DLGAP1: variants seen among roughly 807,000 people sequenced by gnomAD.
The protein encoded by DLGAP1 is DLG associated protein 1, also known as disks large-associated protein 1.
In DLGAP1, 11 loss-of-function variants were observed where a neutral mutation model predicts 90.8. The ratio of observed to expected loss-of-function variants is 0.12; its 90% CI spans 0.08 to 0.20. DLGAP1 has a LOEUF of 0.20. Ranked by LOEUF, DLGAP1 falls within the 10% of genes least tolerant of loss-of-function variation. The probability of loss-of-function intolerance (pLI) is 1.00; values close to 1 mark genes in which losing one functional copy is unlikely to be tolerated. For synonymous variants in DLGAP1, 558 were observed against 540.7 expected, an observed-to-expected ratio of 1.03 and a Z score of -0.44; for missense variants, 1,050 against 1,333.8, an observed-to-expected ratio of 0.79 and a Z score of 3.31.
chr18:3,912,862 G>C (rs998810614), intron 3 of DLGAP1, among the ~76,000 whole-genome samples: 12 of 152,170 alleles, frequency 7.9e-5, no homozygotes, highest in African/African-American at 2.7e-4. Context: ...AAGTCCTTTG[G>C]TGACTGTGTA....
At chr18:3,927,437 AGAAT>A (rs1185278451) in intron 3 of DLGAP1, among the ~76,000 whole-genome samples, 6 of 152,270 alleles carry the variant, frequency 3.9e-5, no homozygotes, top group Non-Finnish European at 8.8e-5. Flanking sequence ...ACTTGTTAAA[AGAAT>A]GAATAATATA....
chr18:3,974,818 A>C (rs1303278834), intron 3 of DLGAP1, among the ~76,000 whole-genome samples: 2 of 152,202 alleles, frequency 1.3e-5, no homozygotes, highest in Non-Finnish European at 2.9e-5. Context: ...AGCAATACAT[A>C]GCATGGAATA....
intron 10 of DLGAP1, 129 bp downstream of exon 10, chr18:3,534,065 T>C: frequency 9.7e-7 from 1 of 1,026,142 alleles, no homozygotes; most frequent in Non-Finnish European, 1.4e-6. Flanking sequence ...CTCCTGCATG[T>C]TCTGGTTTGG....
chr18:3,982,885 T>C (rs898308263), intron 3 of DLGAP1, among the ~76,000 whole-genome samples: 1 of 152,182 alleles, frequency 6.6e-6, no homozygotes, highest in Non-Finnish European at 1.5e-5. Context: ...CTTATGAAAT[T>C]TGTTTTGAAT....
intron 4 of DLGAP1, among the ~76,000 whole-genome samples, chr18:3,838,273 G>A (rs2068518840): frequency 6.6e-6 from 1 of 152,148 alleles, no homozygotes; most frequent in South Asian, 2.1e-4. Context: ...AATGTCAATT[G>A]TTCTTTCCCA....
chr18:4,103,752 T>C (rs1194800708), intron 2 of DLGAP1, among the ~76,000 whole-genome samples: 1 of 152,196 alleles, frequency 6.6e-6, no homozygotes, highest in Non-Finnish European at 1.5e-5. Context: ...TGTCTATTGT[T>C]TGCTATTTCT....
chr18:4,084,322 G>C lies in DLGAP1; in HGVS notation c.-159+66858C>G, dbSNP rs890126535. Among the ~76,000 whole-genome samples, 6 of 152,062 alleles carry C rather than the reference G, an allele frequency of 3.9e-5. No homozygotes were observed. Among genetic ancestry groups the C allele is most frequent in the Non-Finnish European group, 7.4e-5 (5 of 67,996 alleles). ...GATTTTCCTTATAGGAAAAATGATT[G>C]TTTACCATAACTCATTTAACAATCT... On this transcript the variant is annotated intron_variant, in intron 2 of 12. Coordinates refer to ENST00000315677, the MANE Select transcript of DLGAP1 (RefSeq NM_004746.4). This position sits in a 1 kb window ranked among gnomAD's most constrained non-coding sequence, Gnocchi z 4.0.
chr18:3,551,738 T>TCCTTCCTTCCTTCCTC (rs2053482057), intron 9 of DLGAP1, among the ~76,000 whole-genome samples: 1 of 58,512 alleles, frequency 1.7e-5, no homozygotes, highest in African/African-American at 7.3e-5. Flanking sequence ...CTTCCTTCCT[T>TCCTTCCTTCCTTCCTC]CCTTCCTTCC....
chr18:4,333,890 G>A lies in DLGAP1; in HGVS notation c.-267+121116C>T, dbSNP rs141731252. On this transcript the variant is annotated intron_variant, in intron 1 of 12. Coordinates refer to ENST00000315677, the MANE Select transcript of DLGAP1 (RefSeq NM_004746.4). ...GCCGGGACCACAGGCGTGAGCCACC[G>A]CGCCCGGCCATATTTTTAACTGAAT... is the stretch of plus-strand genomic sequence containing the variant. Among the ~76,000 whole-genome samples the A allele has an allele frequency of 4.1e-3, 616 of 149,382 alleles. 4 individuals are homozygous for A. The highest frequency in any genetic ancestry group is 6.3e-3 in the Non-Finnish European group (425 of 67,384).
intron 4 of DLGAP1, among the ~76,000 whole-genome samples, chr18:3,864,522 G>C (rs1479665423): frequency 6.6e-6 from 1 of 152,170 alleles, no homozygotes; most frequent in Non-Finnish European, 1.5e-5. Context: ...AAAGAGGGGA[G>C]AGAATTAAGC....
intron 1 of DLGAP1, among the ~76,000 whole-genome samples, chr18:4,202,875 T>C (rs985535228): frequency 6.6e-6 from 1 of 152,214 alleles, no homozygotes; most frequent in East Asian, 1.9e-4. Context: ...TAAATAAATA[T>C]CTTTTGACAG....
intron 4 of DLGAP1, among the ~76,000 whole-genome samples, chr18:3,832,520 A>T (rs1229518464): frequency 6.6e-6 from 1 of 152,218 alleles, no homozygotes; most frequent in African/African-American, 2.4e-5. Flanking sequence ...AGACTAAAAA[A>T]TTCTGAATCA....
At chr18:4,147,845 G>C (rs1235522673) in intron 2 of DLGAP1, among the ~76,000 whole-genome samples, 3 of 152,148 alleles carry the variant, frequency 2.0e-5, no homozygotes, top group African/African-American at 7.2e-5. Context: ...GACTCAAACT[G>C]TAACGCAGAA....
In DLGAP1 at chr18:3,612,322, T is replaced by C. The variant is rs573343010; in HGVS notation, c.1592-30074A>G. On this transcript the variant is annotated intron_variant, in intron 7 of 12. Coordinates refer to ENST00000315677, the MANE Select transcript of DLGAP1 (RefSeq NM_004746.4). ...ATGAGGATAAGAATGAAAAACTTCCTTATAGGGTTGTAGAGAGGCTGAAAG... is the reference window on the plus strand; with the variant it reads ...ATGAGGATAAGAATGAAAAACTTCCCTATAGGGTTGTAGAGAGGCTGAAAG... Among the ~76,000 whole-genome samples the C allele has an allele frequency of 2.0e-5, 3 of 152,372 alleles. No homozygotes were observed. In the South Asian group the frequency reaches 6.2e-4, roughly 32 times the overall value.
intron 10 of DLGAP1, among the ~76,000 whole-genome samples, chr18:3,528,809 G>C (rs932423924): frequency 6.6e-6 from 1 of 152,176 alleles, no homozygotes; most frequent in Non-Finnish European, 1.5e-5. Context: ...GCACTGACTA[G>C]AATTTTGGAA....
intron 3 of DLGAP1, among the ~76,000 whole-genome samples, chr18:3,987,442 C>T (rs2073865988): frequency 1.3e-5 from 2 of 152,178 alleles, no homozygotes; most frequent in African/African-American, 4.8e-5. Flanking sequence ...TCAATTATAA[C>T]TGTGATTAAC....
At chr18:3,819,818 AT>A (rs1234096496) in intron 4 of DLGAP1, among the ~76,000 whole-genome samples, 1 of 152,134 alleles carries the variant, frequency 6.6e-6, no homozygotes, top group African/African-American at 2.4e-5. Flanking sequence ...AACAATTGTT[AT>A]TTTTTGATAA....
intron 3 of DLGAP1, among the ~76,000 whole-genome samples, chr18:3,974,959 T>C (rs1416657853): frequency 5.3e-5 from 8 of 152,118 alleles, no homozygotes; most frequent in African/African-American, 1.9e-4. Context: ...ATTCTACTTA[T>C]ATGAGGTAAC....
At chr18:3,880,771 T>C (rs1011718992) in intron 3 of DLGAP1, among the ~76,000 whole-genome samples, 1 of 151,552 alleles carries the variant, frequency 6.6e-6, no homozygotes, top group African/African-American at 2.4e-5. Context: ...GGTGAAACCC[T>C]GTCTCTACTA....
Sources: allele counts gnomAD v4.1 joint callset (sites outside exome capture counted in the v4.1 genomes callset), GRCh38; gene constraint gnomAD v4.1.1; non-coding constraint Gnocchi (gnomAD v3.1); transcripts MANE v1.5; gene names NCBI Gene and HGNC (gene_info 2026-07-23, HGNC 2026-07-21).